The following ARHGAP24 variants were observed in gnomAD, a reference collection of about 807,000 sequenced individuals.
ARHGAP24 encodes rho GTPase-activating protein 24.
In ARHGAP24, 50 loss-of-function variants were observed where a neutral mutation model predicts 76.4. The ratio of observed to expected loss-of-function variants is 0.65; its 90% CI spans 0.52 to 0.83. ARHGAP24 has a LOEUF of 0.83. ARHGAP24 is among the 40% of genes least tolerant of loss of function. ARHGAP24 has a pLI of 0.00. For missense variants in ARHGAP24, 930 were observed against 914.2 expected, an observed-to-expected ratio of 1.02 and a Z score of -0.22; for synonymous variants, 345 against 323.3, an observed-to-expected ratio of 1.07 and a Z score of -0.72.
At chr4:85,695,468 A>G (rs939926400) in intron 2 of ARHGAP24, among the ~76,000 whole-genome samples, 5 of 152,344 alleles carry the variant, frequency 3.3e-5, no homozygotes, top group African/African-American at 9.6e-5. Flanking sequence ...CAATCATATC[A>G]TAGATGGAAA....
At chr4:85,541,648 GTTTA>G (rs1478016267) in intron 1 of ARHGAP24, among the ~76,000 whole-genome samples, 4 of 151,850 alleles carry the variant, frequency 2.6e-5, no homozygotes, top group Non-Finnish European at 4.4e-5. Context: ...TGATATCATA[GTTTA>G]TTCATTCAAT....
chr4:85,559,326 T>A (rs1397310718), intron 1 of ARHGAP24, among the ~76,000 whole-genome samples: 1 of 152,220 alleles, frequency 6.6e-6, no homozygotes, highest in Non-Finnish European at 1.5e-5. Context: ...ATGTACAACA[T>A]CATGTTTGGA....
At chr4:85,957,891 T>G (rs1243080772) in intron 5 of ARHGAP24, among the ~76,000 whole-genome samples, 1 of 151,322 alleles carries the variant, frequency 6.6e-6, no homozygotes, top group Admixed American at 6.5e-5. Flanking sequence ...TGTTTTACTC[T>G]GTGATATATC....
intron 3 of ARHGAP24, among the ~76,000 whole-genome samples, chr4:85,865,812 C>T (rs1163205409): frequency 6.6e-6 from 1 of 151,696 alleles, no homozygotes; most frequent in Non-Finnish European, 1.5e-5. Context: ...AAGTATGACA[C>T]CATTTTTTTA....
At chr4:85,819,566 A>C (rs1410944801) in intron 3 of ARHGAP24, among the ~76,000 whole-genome samples, 1 of 152,236 alleles carries the variant, frequency 6.6e-6, no homozygotes, top group Non-Finnish European at 1.5e-5. Flanking sequence ...AAATGTATTT[A>C]GTACAAATTT....
intron 3 of ARHGAP24, among the ~76,000 whole-genome samples, chr4:85,726,651 A>T (rs966428702): frequency 2.0e-5 from 3 of 152,176 alleles, no homozygotes; most frequent in African/African-American, 7.2e-5. Flanking sequence ...TTCAGCAACC[A>T]ATATACCAGT....
intron 3 of ARHGAP24, among the ~76,000 whole-genome samples, chr4:85,811,731 A>G (rs1162145968): frequency 6.6e-6 from 1 of 152,248 alleles, no homozygotes; most frequent in Non-Finnish European, 1.5e-5. Flanking sequence ...CACAATCATC[A>G]GGAAGATGCA....
chr4:85,607,849 C>T (rs1720253918), intron 2 of ARHGAP24, among the ~76,000 whole-genome samples: 2 of 151,034 alleles, frequency 1.3e-5, no homozygotes, highest in Non-Finnish European at 3.0e-5. Context: ...GGCTTTCCCT[C>T]AGGTGTTGAT....
intron 1 of ARHGAP24, among the ~76,000 whole-genome samples, chr4:85,554,290 G>A (rs1266585213): frequency 6.6e-6 from 1 of 152,060 alleles, no homozygotes; most frequent in African/African-American, 2.4e-5. Flanking sequence ...CTTGAGGATG[G>A]TCTTCTTGTG....
intron 2 of ARHGAP24, among the ~76,000 whole-genome samples, chr4:85,700,955 C>T (rs1237411346): frequency 6.6e-6 from 1 of 152,030 alleles, no homozygotes; most frequent in Non-Finnish European, 1.5e-5. Flanking sequence ...GACATAATTT[C>T]CAATATTTAT....
Position 85,582,443 on chromosome 4 carries a change from A to T in ARHGAP24, c.180+11722A>T, listed in dbSNP as rs182483805. 7.2e-3 allele frequency among the ~76,000 whole-genome samples: 1,092 copies of T among 152,260 alleles called. 13 individuals carry two copies. The highest frequency in any genetic ancestry group is 0.025 in the African/African-American group (1,026 of 41,566). On this transcript the variant is annotated intron_variant, in intron 2 of 9. Transcript: ENST00000395184. ...TCTTTAAACTGCTTGAGAATATTTTAAAGATATGGACAATCAGACTGCTCC... is the reference window on the plus strand; with the variant it reads ...TCTTTAAACTGCTTGAGAATATTTTTAAGATATGGACAATCAGACTGCTCC...
intron 2 of ARHGAP24, among the ~76,000 whole-genome samples, chr4:85,622,984 A>C (rs1280241524): frequency 1.3e-5 from 2 of 151,850 alleles, no homozygotes; most frequent in Non-Finnish European, 2.9e-5. Context: ...TTCATTGTAG[A>C]TTCTGGATAT....
chr4:85,707,427 T>C (rs1724357919), intron 2 of ARHGAP24, among the ~76,000 whole-genome samples: 1 of 152,172 alleles, frequency 6.6e-6, no homozygotes, highest in African/African-American at 2.4e-5. Context: ...GAACGTTATT[T>C]AACTTTTATT....
intron 3 of ARHGAP24, among the ~76,000 whole-genome samples, chr4:85,817,737 T>C (rs557718902): frequency 2.6e-5 from 4 of 152,290 alleles, no homozygotes; most frequent in South Asian, 2.1e-4. Context: ...ATACAAAAGG[T>C]TGGTCTTGTA....
chr4:85,597,825 T>C (rs1719893669), intron 2 of ARHGAP24, among the ~76,000 whole-genome samples: 1 of 152,130 alleles, frequency 6.6e-6, no homozygotes, highest in African/African-American at 2.4e-5. Flanking sequence ...AAATTAACTT[T>C]CAGAATATTC....
chr4:85,978,431 T>C (rs372758650), intron 8 of ARHGAP24, among the ~76,000 whole-genome samples: 2 of 152,222 alleles, frequency 1.3e-5, no homozygotes, highest in African/African-American at 4.8e-5. Context: ...ATTTTCATTT[T>C]TTTAGATCTT....
At chr4:85,675,209 A>G (rs1722939425) in intron 2 of ARHGAP24, among the ~76,000 whole-genome samples, 1 of 152,208 alleles carries the variant, frequency 6.6e-6, no homozygotes, top group Non-Finnish European at 1.5e-5. Flanking sequence ...GTTGAAAAAA[A>G]CCATGACGCA....
intron 3 of ARHGAP24, among the ~76,000 whole-genome samples, chr4:85,814,605 C>T (rs1022444509): frequency 6.6e-5 from 10 of 152,160 alleles, no homozygotes; most frequent in Non-Finnish European, 1.3e-4. Context: ...GAGGTAGGTT[C>T]CCAGGGTCTT....
At chr4:85,714,308 A>G (rs1464641827) in intron 2 of ARHGAP24, among the ~76,000 whole-genome samples, 1 of 152,174 alleles carries the variant, frequency 6.6e-6, no homozygotes, top group Admixed American at 6.6e-5. Context: ...AATACTACAT[A>G]TCTTTTTCTC....
Sources: gnomAD v4.1 joint callset for allele counts (sites outside exome capture counted in the v4.1 genomes callset) on GRCh38, gnomAD v4.1.1 for gene constraint, MANE v1.5 for transcripts, NCBI Gene and HGNC (gene_info 2026-07-23, HGNC 2026-07-21) for gene names.